The following ACOT13 variants were observed in gnomAD, a reference collection of about 807,000 sequenced individuals.
ACOT13 encodes the protein acyl-CoA thioesterase 13, also known as acyl-coenzyme A thioesterase 13.
A neutral mutation model predicts 11.8 loss-of-function variants in ACOT13; 10 were observed. That is an observed-to-expected ratio of 0.85 (90% CI 0.53 to 1.44). ACOT13 has a LOEUF of 1.44. Ranked by LOEUF, ACOT13 falls within the 40% of genes most tolerant of loss-of-function variation. The pLI is 0.00. For synonymous variants in ACOT13, 53 were observed against 61.0 expected (o/e 0.87, Z 0.61); for missense variants, 172 against 174.1 (o/e 0.99, Z 0.07).
intron 1 of ACOT13, chr6:24,687,729 G>C (rs764362674): frequency 1.0e-5 from 12 of 1,175,936 alleles, no homozygotes; most frequent in Middle Eastern, 2.8e-4. Flanking sequence ...TTTTTTTTTT[G>C]AGACAGAGTC....
chr6:24,690,595 G>C (rs188973786), intron 1 of ACOT13, among the ~76,000 whole-genome samples: 1 of 152,246 alleles, frequency 6.6e-6, no homozygotes, highest in East Asian at 1.9e-4. Context: ...TTCTTTTGTA[G>C]CATATCTGTC....
At chr6:24,691,953 A>C (rs930255654) in intron 1 of ACOT13, among the ~76,000 whole-genome samples, 1 of 152,244 alleles carries the variant, frequency 6.6e-6, no homozygotes, top group Non-Finnish European at 1.5e-5. Context: ...CAAGCAGTCT[A>C]TATTTTCAAA....
At chr6:24,680,835 T>C (rs1003873730) in intron 1 of ACOT13, among the ~76,000 whole-genome samples, 1 of 152,158 alleles carries the variant, frequency 6.6e-6, no homozygotes, top group African/African-American at 2.4e-5. Context: ...GAAATAGTCT[T>C]TTGATTATGT....
rs1778938667 is a variant in ACOT13, at chr6:24,703,797, C to G, written c.*2182C>G. On this transcript the variant is annotated 3_prime_UTR_variant, in exon 3 of 3. Coordinates refer to ENST00000230048, the MANE Select transcript of ACOT13 (RefSeq NM_018473.4). ...CACACATAGGGCAAAACCAGGACAC[C>G]TTGACCAGGCGCTCAAAAGTAACAT... The G allele has an allele frequency of 6.6e-6, 1 of 152,176 alleles. No individual in the cohort carries two copies. The highest frequency in any genetic ancestry group is 2.4e-5 in the African/African-American group (1 of 41,434). 9.4% of individuals were successfully genotyped at this position (152,176 alleles called of 1,614,324 possible).
chr6:24,676,839 G>A (rs1328752362), intron 1 of ACOT13, among the ~76,000 whole-genome samples: 8 of 152,138 alleles, frequency 5.3e-5, no homozygotes, highest in Non-Finnish European at 1.2e-4. Context: ...TTTCTGTACA[G>A]CCAATAGTAA....
chr6:24,678,594 G>A (rs1244578589), intron 1 of ACOT13, among the ~76,000 whole-genome samples: 1 of 152,146 alleles, frequency 6.6e-6, no homozygotes, highest in African/African-American at 2.4e-5. Flanking sequence ...TCCTTCTGTT[G>A]CCCAGACGTC....
At chr6:24,698,984 AG>A (rs1447328221) in intron 2 of ACOT13, among the ~76,000 whole-genome samples, 1 of 152,176 alleles carries the variant, frequency 6.6e-6, no homozygotes, top group African/African-American at 2.4e-5. Flanking sequence ...CTACATGATC[AG>A]GGAACAGTGC....
rs1778967643 is a variant in ACOT13, at chr6:24,704,814, G to A, written c.*3199G>A. 1 of 152,144 alleles carries A rather than the reference G, an allele frequency of 6.6e-6. No individual in the cohort carries two copies. The allele number at this position is 152,144 out of a possible 1,614,324, so 9.4% of individuals were successfully genotyped here. A position where few individuals can be genotyped will look rare whatever the true frequency, so the allele number is the denominator to read the frequency against. On this transcript the variant is annotated 3_prime_UTR_variant, in exon 3 of 3. Transcript: ENST00000230048. ...AGACTATGAAATAATTCTCTAAGGT[G>A]ACCAGTAACATCAGTGAAATGGAAA...
intron 1 of ACOT13, among the ~76,000 whole-genome samples, chr6:24,667,961 A>T (rs755416434): frequency 2.0e-5 from 3 of 152,006 alleles, no homozygotes; most frequent in African/African-American, 4.8e-5. Flanking sequence ...CTGGAGTGCA[A>T]TGGCGCGATC....
intron 2 of ACOT13, among the ~76,000 whole-genome samples, chr6:24,698,414 C>A (rs1405334289): frequency 6.6e-6 from 1 of 152,196 alleles, no homozygotes; most frequent in African/African-American, 2.4e-5. Context: ...GGGCCAGACG[C>A]AGTGGCTCAC....
At chr6:24,683,451 C>T (rs186460631) in intron 1 of ACOT13, among the ~76,000 whole-genome samples, 7 of 152,068 alleles carry the variant, frequency 4.6e-5, no homozygotes, top group African/African-American at 1.4e-4. Context: ...ACATGAAAAT[C>T]GCTTGCACCA....
chr6:24,694,245 T>C (rs1239664122), intron 1 of ACOT13, among the ~76,000 whole-genome samples: 1 of 152,178 alleles, frequency 6.6e-6, no homozygotes, highest in African/African-American at 2.4e-5. Flanking sequence ...CTCTGTATTG[T>C]TAGGCCATGG....
rs371305146 is a variant in ACOT13 at position 24,700,270 on chromosome 6, T to C, written c.267-1189T>C. 5.1e-4 allele frequency among the ~76,000 whole-genome samples: 77 copies of C among 152,198 alleles called. 1 individual carries two copies. The highest frequency in any genetic ancestry group is 1.4e-3 in the African/African-American group (59 of 41,442). On this transcript the variant is annotated intron_variant, in intron 2 of 2. Coordinates refer to ENST00000230048, the MANE Select transcript of ACOT13 (RefSeq NM_018473.4). ...TTCCTTATCTTCCCTCAGTTTAAGT[T>C]AATGGCTGTTAGCCAAAATTCTTGA...
At chr6:24,669,940 T>C (rs1022565740) in intron 1 of ACOT13, among the ~76,000 whole-genome samples, 2 of 151,926 alleles carry the variant, frequency 1.3e-5, no homozygotes, top group Admixed American at 1.3e-4. Context: ...CAGTGACTCC[T>C]AATTAGGAAA....
chr6:24,701,255 G>A (rs181522031), intron 2 of ACOT13: 1 of 369,202 alleles, frequency 2.7e-6, no homozygotes, highest in African/African-American at 2.1e-5. Flanking sequence ...TTTGGGAAAA[G>A]AAACTTGTGT....
Position 24,701,670 on chromosome 6 carries a change from G to A in ACOT13, c.*55G>A. The A allele has an allele frequency of 6.8e-7, 1 of 1,475,936 alleles. No individual in the cohort carries two copies. 91.4% of individuals were successfully genotyped at this position (1,475,936 alleles called of 1,614,324 possible). A position where few individuals can be genotyped will look rare whatever the true frequency, so the allele number is the denominator to read the frequency against. ...AACAATGAATATCAAGTATAGATTT[G>A]ACTCAAACAATTGTAATTTTTGAAA... On this transcript the variant is annotated 3_prime_UTR_variant, in exon 3 of 3. Transcript: ENST00000230048.
intron 1 of ACOT13, among the ~76,000 whole-genome samples, chr6:24,676,299 C>G (rs890169120): frequency 1.3e-5 from 2 of 151,960 alleles, no homozygotes; most frequent in African/African-American, 2.4e-5. Flanking sequence ...GGCATTGAAT[C>G]TATAAATTAC....
intron 1 of ACOT13, among the ~76,000 whole-genome samples, chr6:24,694,805 A>G (rs944678795): frequency 2.0e-5 from 3 of 152,230 alleles, no homozygotes; most frequent in African/African-American, 7.2e-5. Context: ...CAGGCTGCCC[A>G]GTAAAAAATT....
Position 24,701,719 on chromosome 6 carries a change from C to T in ACOT13, c.*104C>T, listed in dbSNP as rs1000872724. ...AATAAACTAGCAAAACCAGAAGCAG[C>T]TAGAAATATTCTTGGAGGAAAAGGA... On this transcript the variant is annotated 3_prime_UTR_variant, in exon 3 of 3. Transcript: ENST00000230048. 1.3e-5 allele frequency: 16 copies of T among 1,242,854 alleles called. No individual in the cohort carries two copies. The highest frequency in any genetic ancestry group is 1.7e-5 in the Non-Finnish European group (16 of 918,796). 77.0% of individuals were successfully genotyped at this position (1,242,854 alleles called of 1,614,324 possible). A position where few individuals can be genotyped will look rare whatever the true frequency, so the allele number is the denominator to read the frequency against.
Sources: gnomAD v4.1 joint callset for allele counts (sites outside exome capture counted in the v4.1 genomes callset) on GRCh38, gnomAD v4.1.1 for gene constraint, MANE v1.5 for transcripts, NCBI Gene and HGNC (gene_info 2026-07-23, HGNC 2026-07-21) for gene names.